The following PER3 variants were observed in gnomAD, a reference collection of about 807,000 sequenced individuals.
PER3 encodes period circadian protein homolog 3.
In PER3, 107 loss-of-function variants were observed where a neutral mutation model predicts 127.2. That is an observed-to-expected ratio of 0.84 (90% CI 0.72 to 0.99). The LOEUF (loss-of-function observed/expected upper bound fraction) is 0.99, where lower values mean the gene tolerates loss of function less well. Among genes scored for constraint, PER3 ranks in the 50% least tolerant of loss-of-function variants. PER3 has a pLI of 0.00. For synonymous variants in PER3, 618 were observed against 585.8 expected (o/e 1.05, Z -0.79); for missense variants, 1,560 against 1,525.8 (o/e 1.02, Z -0.37).
chr1:7,801,902 C>T (rs1253500284), intron 8 of PER3, among the ~76,000 whole-genome samples: 2 of 152,062 alleles, frequency 1.3e-5, no homozygotes, highest in Non-Finnish European at 2.9e-5. Context: ...CCACACCACA[C>T]ATAACTGAAA....
chr1:7,839,483 T>C (rs1332875313), intron 21 of PER3, among the ~76,000 whole-genome samples: 1 of 152,230 alleles, frequency 6.6e-6, no homozygotes, highest in Non-Finnish European at 1.5e-5. Flanking sequence ...ATATTTACCT[T>C]CGCTGAGATC....
chr1:7,787,367 C>T, intron 4 of PER3: 1 of 295,200 alleles, frequency 3.4e-6, no homozygotes, highest in Non-Finnish European at 6.7e-6. Context: ...GTGGAGATTA[C>T]TTATTTTAAG....
chr1:7,787,150 C>G (rs867009195), intron 4 of PER3: 1 of 388,840 alleles, frequency 2.6e-6, no homozygotes, highest in Middle Eastern at 9.5e-4. Context: ...ATTTCCTGCA[C>G]CTTATTCTAA....
Position 7,803,762 on chromosome 1 carries a change from C to T in PER3, c.1050C>T (p.Tyr350=). ...GATTTTGTACTCAAAACGGAGACTA[C>T]ATCATACTGGATTCCAGTTGGTCCA... ...PIRFCTQNGD[Y]IILDSSWSSF... Residue 350 remains tyrosine (Y), a synonymous_variant, in exon 10 of 22, where the codon TAC becomes TAT. Transcript: ENST00000377532. 6.2e-7 allele frequency: 1 copy of T among 1,611,264 alleles called. No individual in the cohort carries two copies. Among genetic ancestry groups the T allele is most frequent in the Non-Finnish European group, 8.5e-7 (1 of 1,177,328 alleles).
intron 5 of PER3, 136 bp downstream of exon 5, chr1:7,788,382 C>A: frequency 1.5e-6 from 1 of 648,156 alleles, no homozygotes; most frequent in Non-Finnish European, 2.7e-6. Flanking sequence ...TATAGAAAGT[C>A]ACGTGATGAA....
chr1:7,784,749 C>T lies in PER3; in HGVS notation c.-129C>T, dbSNP rs2097076949. On this transcript the variant is annotated 5_prime_UTR_variant, in exon 2 of 22. Transcript: ENST00000377532. ...GCGTGACCCCCTGGCTCGTGGTGGC[C>T]GCCTGTTCTCACTAACGCCATGGCG... The T allele has an allele frequency of 2.2e-5, 22 of 1,002,022 alleles. No homozygotes were observed. The highest frequency in any genetic ancestry group is 3.0e-5 in the Non-Finnish European group (22 of 741,948). 62.1% of individuals were successfully genotyped at this position (1,002,022 alleles called of 1,614,324 possible).
chr1:7,829,932 TGCCAGCGC>T lies in PER3; in HGVS notation c.2986_2993del (p.Ala996SerfsTer84). 11 of 1,282,932 alleles carry T rather than the reference TGCCAGCGC, an allele frequency of 8.6e-6. No individual in the cohort carries two copies. The highest frequency in any genetic ancestry group is 2.4e-5 in the Admixed American group (1 of 41,822). The allele number at this position is 1,282,932 out of a possible 1,614,324, so 79.5% of individuals were successfully genotyped here. On this transcript the variant is annotated frameshift_variant, in exon 19 of 22. Transcript: ENST00000377532. LOFTEE classifies it high-confidence loss of function. ...CCAGGGAGAATCCATCCCATCCTAC[TGCCAGCGC>T]TCTGTCCACAGGATCGCCTCCCATG...
Position 7,820,651 on chromosome 1 carries a change from C to A in PER3, c.1957+11C>A, listed in dbSNP as rs763144098. The A allele has an allele frequency of 3.2e-6, 5 of 1,586,298 alleles. No homozygotes were observed. Among genetic ancestry groups the A allele is most frequent in the Non-Finnish European group, 4.3e-6 (5 of 1,165,118 alleles). ...CACCCCCAGAGACAGGTACCACACT[C>A]GCCTCTTACTTTGAAAATATACTCA... On this transcript the variant is annotated intron_variant, in intron 16 of 21. Coordinates refer to ENST00000377532, the MANE Select transcript of PER3 (RefSeq NM_001377275.1).
intron 11 of PER3, 152 bp downstream of exon 11, chr1:7,809,150 A>C (rs1311478230): frequency 3.5e-6 from 2 of 565,942 alleles, no homozygotes; most frequent in Non-Finnish European, 6.3e-6. Flanking sequence ...TCGTTTTTAA[A>C]TTAAATTTTA....
chr1:7,811,869 G>A lies in PER3; in HGVS notation c.1522+1281G>A, dbSNP rs555819336. Among the ~76,000 whole-genome samples the A allele has an allele frequency of 5.9e-5, 9 of 152,016 alleles. No individual in the cohort carries two copies. The East Asian group carries it at 9.6e-4, about 16-fold the overall frequency. ...CTTTCATTTTTTTTCTTTTCACCTCGATAGGAAGTTGAGCATTCCATTGGT... is the reference window on the plus strand; with the variant it reads ...CTTTCATTTTTTTTCTTTTCACCTCAATAGGAAGTTGAGCATTCCATTGGT... On this transcript the variant is annotated intron_variant, in intron 13 of 21. Transcript: ENST00000377532.
chr1:7,816,225 A>G (rs992011164), intron 13 of PER3, among the ~76,000 whole-genome samples: 2 of 152,130 alleles, frequency 1.3e-5, no homozygotes, highest in African/African-American at 2.4e-5. Context: ...TAAAGACCAG[A>G]TATCAATGGA....
rs578245545 is a variant in PER3, at chr1:7,805,629, C to T, written c.1136+1781C>T. On this transcript the variant is annotated intron_variant, in intron 10 of 21. Coordinates refer to ENST00000377532, the MANE Select transcript of PER3 (RefSeq NM_001377275.1). ...TCAGAAAGGACTTTGTCCCTTCTCC[C>T]CACCCCATACCCCCCAAGTACGGAA... Among the ~76,000 whole-genome samples the T allele has an allele frequency of 5.3e-5, 8 of 152,244 alleles. No individual in the cohort carries two copies. The South Asian group carries it at 1.7e-3, about 32-fold the overall frequency.
At chr1:7,814,880 C>T (rs373045226) in intron 13 of PER3, among the ~76,000 whole-genome samples, 3 of 152,022 alleles carry the variant, frequency 2.0e-5, no homozygotes, top group African/African-American at 7.3e-5. Context: ...ACTGAGTACT[C>T]AAGAATATAT....
chr1:7,786,407 G>A (rs1490653944), intron 3 of PER3, among the ~76,000 whole-genome samples: 2 of 152,088 alleles, frequency 1.3e-5, no homozygotes, highest in Admixed American at 6.5e-5. Flanking sequence ...CTTCATATAT[G>A]ATATGTTCCT....
chr1:7,827,938 A>G, intron 18 of PER3, 123 bp downstream of exon 18: 1 of 664,948 alleles, frequency 1.5e-6, no homozygotes, highest in Non-Finnish European at 2.6e-6. Flanking sequence ...ACTGTGAGTG[A>G]GCCTGTTAGC....
chr1:7,812,966 A>G (rs1268867903), intron 13 of PER3, among the ~76,000 whole-genome samples: 1 of 152,248 alleles, frequency 6.6e-6, no homozygotes, highest in Non-Finnish European at 1.5e-5. Flanking sequence ...ATGTATACCA[A>G]TGAAAAGGAA....
At chr1:7,841,808 AGT>A (rs1478512636) in intron 21 of PER3, among the ~76,000 whole-genome samples, 1 of 152,094 alleles carries the variant, frequency 6.6e-6, no homozygotes. Context: ...TGTTTTTTTC[AGT>A]GTTGTTCTGG....
At position 7,834,060 on chromosome 1, in the gene PER3, C is replaced by T. The variant is rs962832439; in HGVS notation, c.3215-1702C>T. On this transcript the variant is annotated intron_variant, in intron 19 of 21. Coordinates refer to ENST00000377532, the MANE Select transcript of PER3 (RefSeq NM_001377275.1). ...GCCTCTACCTCCCAAGTAGCTGGTA[C>T]TACAGGCGTGCACCACCACGCCTAA... Among the ~76,000 whole-genome samples, 10 of 152,110 alleles carry T rather than the reference C, an allele frequency of 6.6e-5. No homozygotes were observed. In the East Asian group the frequency reaches 1.7e-3, roughly 26 times the overall value.
In PER3 at chr1:7,797,106, A is replaced by G. The variant is rs549478506; in HGVS notation, c.645-1419A>G. On this transcript the variant is annotated intron_variant, in intron 6 of 21. Coordinates refer to ENST00000377532, the MANE Select transcript of PER3 (RefSeq NM_001377275.1). Reference sequence around the variant, plus strand: ...TAGGCTAGAGGTAGATATTTGGGTCATCAGCGTGTAAATGGCATTTAAAAC... The same window carrying G: ...TAGGCTAGAGGTAGATATTTGGGTCGTCAGCGTGTAAATGGCATTTAAAAC... 1.3e-4 allele frequency among the ~76,000 whole-genome samples: 20 copies of G among 152,286 alleles called. 1 individual carries two copies. The South Asian group carries it at 4.1e-3, about 32-fold the overall frequency.
Sources: gnomAD v4.1 joint callset for allele counts (sites outside exome capture counted in the v4.1 genomes callset) on GRCh38, gnomAD v4.1.1 for gene constraint, MANE v1.5 for transcripts, NCBI Gene and HGNC (gene_info 2026-07-23, HGNC 2026-07-21) for gene names.